Variants in SOHLH1 observed in about 807,000 individuals in gnomAD.
SOHLH1 encodes the protein spermatogenesis- and oogenesis-specific basic helix-loop-helix-containing protein 1.
SOHLH1 carries 23 observed loss-of-function variants against 36.2 expected under a neutral mutation model. That is an observed-to-expected ratio of 0.64 (90% CI 0.46 to 0.90). SOHLH1 has a LOEUF of 0.90. Ranked by LOEUF, SOHLH1 falls within the 40% of genes least tolerant of loss-of-function variation. The pLI is 0.00. For synonymous variants in SOHLH1, 289 were observed against 228.3 expected, an observed-to-expected ratio of 1.27 and a Z score of -2.40; for missense variants, 608 against 517.0, an observed-to-expected ratio of 1.18 and a Z score of -1.71.
At chr9:135,700,265 G>A (rs987222829), upstream of SOHLH1, among the ~76,000 whole-genome samples, 1 of 152,190 alleles carries the variant, frequency 6.6e-6, no homozygotes. Context: ...TCCAAATTCA[G>A]AAAGCTCCGG....
At chr9:135,700,830 C>T (rs929495617), upstream of SOHLH1, among the ~76,000 whole-genome samples, 1 of 152,164 alleles carries the variant, frequency 6.6e-6, no homozygotes, top group South Asian at 2.1e-4. Context: ...TCTCCCGGCC[C>T]TGCCCCTGGC....
In SOHLH1 at chr9:135,693,556, G is replaced by A; in HGVS notation, c.*41C>T. On this transcript the variant is annotated 3_prime_UTR_variant, in exon 8 of 8. Coordinates refer to ENST00000425225, the MANE Select transcript of SOHLH1 (RefSeq NM_001101677.2). ...CGCGACAGGGACACACACGGCTCCA[G>A]ATCCACCGGCCCCGCCCGCCTCCTC... is the stretch of plus-strand genomic sequence containing the variant. The A allele has an allele frequency of 6.6e-7, 1 of 1,525,622 alleles. No individual in the cohort carries two copies. Among genetic ancestry groups the A allele is most frequent in the Non-Finnish European group, 8.9e-7 (1 of 1,128,708 alleles). 94.5% of individuals were successfully genotyped at this position (1,525,622 alleles called of 1,614,324 possible).
chr9:135,701,586 C>G (rs946919833), upstream of SOHLH1, among the ~76,000 whole-genome samples: 46 of 152,226 alleles, frequency 3.0e-4, no homozygotes, highest in Non-Finnish European at 3.7e-4. Context: ...TGGGGCCCCT[C>G]CCCACCCGTC....
Position 135,694,410 on chromosome 9 carries a change from G to T in SOHLH1, c.923C>A (p.Thr308Asn). ...DVDDGTSFLL[T>N]AGPSSWPGSL... ...ACCCGGCCACGAGCTGGGACCAGCAGTCAGCAGGAAGGACGTCCCATCGTC... is the reference window on the plus strand; with the variant it reads ...ACCCGGCCACGAGCTGGGACCAGCATTCAGCAGGAAGGACGTCCCATCGTC... The change falls in exon 7 of 8, where the codon ACT becomes AAT. Residue 308 changes from threonine (T) to asparagine (N), a missense_variant. By Grantham distance (65) the Thr-to-Asn change is moderately conservative. Coordinates refer to ENST00000425225, the MANE Select transcript of SOHLH1 (RefSeq NM_001101677.2). 6.2e-7 allele frequency: 1 copy of T among 1,613,296 alleles called. No homozygotes were observed.
At chr9:135,699,256 G>T (rs960240670) in intron 1 of SOHLH1, 130 bp from the exon 2 acceptor site, 14 of 1,501,948 alleles carry the variant, frequency 9.3e-6, no homozygotes, top group Admixed American at 5.9e-5. Flanking sequence ...GACACGGCCC[G>T]GCCCTCTCTG....
rs771620170 is a variant in SOHLH1, at chr9:135,698,425, G to A, written c.249C>T (p.Phe83=). The part of the protein sequence containing the change: ...CERLRALLPQ[F]DGRREDMASV... ...AGGCCATGTCCTCCCGCCGGCCATC[G>A]AACTGGGGCAGCAGGGCCCGCAGAC... is the stretch of plus-strand genomic sequence containing the variant. Residue 83 remains phenylalanine, a synonymous_variant, in exon 3 of 8, where the codon TTC becomes TTT. Coordinates refer to ENST00000425225, the MANE Select transcript of SOHLH1 (RefSeq NM_001101677.2). The A allele has an allele frequency of 1.8e-5, 29 of 1,613,110 alleles. No individual in the cohort carries two copies. Among genetic ancestry groups the A allele is most frequent in the African/African-American group, 2.7e-5 (2 of 74,946 alleles).
At chr9:135,695,387 C>A (rs1199027404) in intron 5 of SOHLH1, 124 bp from the exon 6 acceptor site, 2 of 831,744 alleles carry the variant, frequency 2.4e-6, no homozygotes, top group Non-Finnish European at 4.0e-6. Context: ...GCTGCCTGCA[C>A]CCTGCAGCAG....
At position 135,694,381 on chromosome 9, in the gene SOHLH1, A is replaced by C. The variant is rs369495324; in HGVS notation, c.946+6T>G. ...GGACCAGCCCTGAACCCAGGGCCCCACTCACCCGGCCACGAGCTGGGACCA... is the reference window on the plus strand; with the variant it reads ...GGACCAGCCCTGAACCCAGGGCCCCCCTCACCCGGCCACGAGCTGGGACCA... On this transcript the variant is annotated splice_donor_region_variant and intron_variant, in intron 7 of 7. Coordinates refer to ENST00000425225, the MANE Select transcript of SOHLH1 (RefSeq NM_001101677.2). 1 of 1,612,462 alleles carries C rather than the reference A, an allele frequency of 6.2e-7. No individual in the cohort carries two copies. Among genetic ancestry groups the C allele is most frequent in the Non-Finnish European group, 8.5e-7 (1 of 1,179,646 alleles).
At chr9:135,701,421 A>G (rs1212335275), upstream of SOHLH1, among the ~76,000 whole-genome samples, 2 of 152,214 alleles carry the variant, frequency 1.3e-5, no homozygotes, top group East Asian at 1.9e-4. Context: ...CCTGCAAACC[A>G]ACAAAGCTCT....
upstream of SOHLH1, among the ~76,000 whole-genome samples, chr9:135,701,731 CGG>C (rs1835040987): frequency 7.0e-6 from 1 of 142,326 alleles, no homozygotes; most frequent in African/African-American, 2.5e-5. Flanking sequence ...GGCGGGGGGG[CGG>C]GGAGTCGTCT....
chr9:135,697,065 TG>T (rs1834832565), intron 4 of SOHLH1, among the ~76,000 whole-genome samples: 4 of 152,326 alleles, frequency 2.6e-5, no homozygotes, highest in South Asian at 4.1e-4. Flanking sequence ...CAGCCTGCTT[TG>T]GGGTAAAATG....
rs929830670 is a variant in SOHLH1, at chr9:135,693,421, G to A, written c.*176C>T. 5.3e-6 allele frequency: 5 copies of A among 943,136 alleles called. No homozygotes were observed. In the African/African-American group the frequency reaches 6.6e-5, roughly 12 times the overall value. The allele number at this position is 943,136 out of a possible 1,614,324, so 58.4% of individuals were successfully genotyped here. A position where few individuals can be genotyped will look rare whatever the true frequency, so the allele number is the denominator to read the frequency against. On this transcript the variant is annotated 3_prime_UTR_variant, in exon 8 of 8. Coordinates refer to ENST00000425225, the MANE Select transcript of SOHLH1 (RefSeq NM_001101677.2). ...AGCCACACAGGTTTTGCTTCCTCCA[G>A]GAAAACTGCTTTCCCTCTTTAATAT... is the stretch of plus-strand genomic sequence containing the variant.
intron 6 of SOHLH1, 65 bp from the exon 7 acceptor site, chr9:135,694,522 A>G (rs1443467453): frequency 9.4e-6 from 15 of 1,589,448 alleles, no homozygotes; most frequent in East Asian, 4.5e-5. Context: ...TCAAGGAAAC[A>G]TTTGGGCCCA....
chr9:135,701,708 C>T (rs866071720), upstream of SOHLH1, among the ~76,000 whole-genome samples: 29 of 140,392 alleles, frequency 2.1e-4, no homozygotes, highest in African/African-American at 6.8e-4. Flanking sequence ...CCGCAGCCTG[C>T]GGGGGGTGTG....
intron 3 of SOHLH1, among the ~76,000 whole-genome samples, 178 bp downstream of exon 3, chr9:135,698,151 A>G (rs1326621080): frequency 1.3e-5 from 2 of 152,090 alleles, no homozygotes; most frequent in African/African-American, 4.8e-5. Context: ...CAGAATAACA[A>G]CAGGTAAGGC....
In SOHLH1 at chr9:135,697,628, C is replaced by A; in HGVS notation, c.346-1G>T. 1 of 1,610,882 alleles carries A rather than the reference C, an allele frequency of 6.2e-7. No individual in the cohort carries two copies. The highest frequency in any genetic ancestry group is 8.5e-7 in the Non-Finnish European group (1 of 1,178,842). ...ACATTTCCTTGGAGGAAGCAAGAATCTGAAATTTAAGTAAACATGTAAAAC... is the reference window on the plus strand; with the variant it reads ...ACATTTCCTTGGAGGAAGCAAGAATATGAAATTTAAGTAAACATGTAAAAC... On this transcript the variant is annotated splice_acceptor_variant, in intron 3 of 7. Coordinates refer to ENST00000425225, the MANE Select transcript of SOHLH1 (RefSeq NM_001101677.2). LOFTEE classifies it high-confidence loss of function.
chr9:135,698,868 G>T, intron 2 of SOHLH1, 127 bp downstream of exon 2: 2 of 1,350,034 alleles, frequency 1.5e-6, no homozygotes, highest in Non-Finnish European at 2.1e-6. Flanking sequence ...TGTGCAGTCT[G>T]TCCTTCTCCT....
chr9:135,696,809 G>A lies in SOHLH1; in HGVS notation c.468-4C>T, dbSNP rs1312901625. On this transcript the variant is annotated splice_region_variant and splice_polypyrimidine_tract_variant and intron_variant, in intron 4 of 7. Transcript: ENST00000425225. ...AAACGCCTTCACATCTGGGGTTCTA[G>A]AAGGAGCAACATGACAAGGATCCTG... The A allele has an allele frequency of 1.2e-6, 2 of 1,612,764 alleles. No homozygotes were observed. Among genetic ancestry groups the A allele is most frequent in the Non-Finnish European group, 1.7e-6 (2 of 1,179,988 alleles).
intron 7 of SOHLH1, chr9:135,694,150 G>T: frequency 1.4e-6 from 2 of 1,434,808 alleles, no homozygotes; most frequent in Non-Finnish European, 1.8e-6. Flanking sequence ...AGGGCTCCAA[G>T]CACCGCCAGC....
Sources: allele counts gnomAD v4.1 joint callset (sites outside exome capture counted in the v4.1 genomes callset), GRCh38; gene constraint gnomAD v4.1.1; transcripts MANE v1.5; gene names NCBI Gene and HGNC (gene_info 2026-07-23, HGNC 2026-07-21).